Variants in ARID2 observed in about 807,000 individuals in gnomAD.
ARID2 encodes AT-rich interactive domain-containing protein 2.
Under a neutral mutation model 184.6 loss-of-function variants are expected in ARID2, and 32 were observed. The observed-to-expected ratio is 0.17, with a 90% CI of 0.13 to 0.23. ARID2 has a LOEUF of 0.23. Ranked by LOEUF, ARID2 falls within the 10% of genes least tolerant of loss-of-function variation. ARID2 has a pLI of 1.00. For synonymous variants in ARID2, 836 were observed against 772.6 expected (o/e 1.08, Z -1.36); for missense variants, 1,696 against 2,197.6 (o/e 0.77, Z 4.56).
intron 6 of ARID2, among the ~76,000 whole-genome samples, chr12:45,824,866 CAT>C (rs202172861): frequency 0.016 from 2,299 of 145,822 alleles, 30 homozygotes; most frequent in African/African-American, 0.035. Context: ...TATATATATA[CAT>C]ATATATATAT....
chr12:45,840,090 C>T (rs1428161191), intron 11 of ARID2: 1 of 152,168 alleles, frequency 6.6e-6, no homozygotes, highest in East Asian at 1.9e-4. Flanking sequence ...AGACTTCAGT[C>T]CTTGAACTCC....
chr12:45,803,392 A>G (rs556002287), intron 3 of ARID2, among the ~76,000 whole-genome samples: 7 of 152,290 alleles, frequency 4.6e-5, no homozygotes, highest in Non-Finnish European at 1.0e-4. Context: ...AAATGAAAAC[A>G]TTTGTCTTCA....
intron 3 of ARID2, among the ~76,000 whole-genome samples, chr12:45,736,891 A>G (rs1941136562): frequency 6.6e-6 from 1 of 152,232 alleles, no homozygotes; most frequent in Non-Finnish European, 1.5e-5. Context: ...TCCCTTCCCC[A>G]TAGTAAATAG....
intron 15 of ARID2, 102 bp downstream of exon 15, chr12:45,852,998 A>G (rs1288293716): frequency 7.0e-7 from 1 of 1,425,580 alleles, no homozygotes; most frequent in East Asian, 2.5e-5. Context: ...TTGAAAAGTT[A>G]CTGTATCAGC....
At chr12:45,754,387 TC>T (rs1321944574) in intron 3 of ARID2, among the ~76,000 whole-genome samples, 2 of 152,224 alleles carry the variant, frequency 1.3e-5, no homozygotes, top group East Asian at 3.8e-4. Flanking sequence ...TGTCTTTTTT[TC>T]TGTTTTAAAG....
intron 3 of ARID2, among the ~76,000 whole-genome samples, chr12:45,782,733 C>G (rs112565736): frequency 1.3e-5 from 2 of 151,856 alleles, no homozygotes; most frequent in Non-Finnish European, 2.9e-5. Context: ...TCCTTTTTGT[C>G]AACAGTGTCT....
At chr12:45,744,232 T>C (rs935770632) in intron 3 of ARID2, among the ~76,000 whole-genome samples, 4 of 152,202 alleles carry the variant, frequency 2.6e-5, no homozygotes, top group East Asian at 3.8e-4. Context: ...CTGCCTGTTA[T>C]ATGTTTTGAT....
chr12:45,900,494 C>G (rs1361518583), intron 20 of ARID2, among the ~76,000 whole-genome samples: 1 of 152,170 alleles, frequency 6.6e-6, no homozygotes, highest in African/African-American at 2.4e-5. Context: ...TGTCCACATA[C>G]TGAAACACAG....
intron 4 of ARID2, among the ~76,000 whole-genome samples, chr12:45,815,130 G>T (rs577487679): frequency 6.6e-6 from 1 of 152,208 alleles, no homozygotes; most frequent in Admixed American, 6.5e-5. Context: ...TTAGGACTGC[G>T]ACAGATAAGG....
chr12:45,808,049 G>T (rs1328350006), intron 3 of ARID2, among the ~76,000 whole-genome samples: 1 of 152,150 alleles, frequency 6.6e-6, no homozygotes, highest in South Asian at 2.1e-4. Flanking sequence ...TAGGAGCTCA[G>T]CAAATATTTG....
intron 6 of ARID2, among the ~76,000 whole-genome samples, chr12:45,826,137 T>C (rs1397595172): frequency 6.6e-6 from 1 of 152,092 alleles, no homozygotes; most frequent in Non-Finnish European, 1.5e-5. Context: ...AGATTTGTTT[T>C]TCTATCATAA....
chr12:45,788,122 G>C (rs956126918), intron 3 of ARID2, among the ~76,000 whole-genome samples: 1 of 152,052 alleles, frequency 6.6e-6, no homozygotes, highest in African/African-American at 2.4e-5. Flanking sequence ...ACATTTAAAC[G>C]TAGAACTTTA....
At chr12:45,820,447 G>A (rs1942878114) in intron 5 of ARID2, among the ~76,000 whole-genome samples, 1 of 152,054 alleles carries the variant, frequency 6.6e-6, no homozygotes. Context: ...TCTCTTATGA[G>A]AGAAAACATA....
At chr12:45,821,716 A>G (rs369241988) in intron 6 of ARID2, among the ~76,000 whole-genome samples, 58 of 152,330 alleles carry the variant, frequency 3.8e-4, no homozygotes, top group African/African-American at 1.2e-3. Flanking sequence ...AATAGTAACA[A>G]CAATAGCAGT....
intron 20 of ARID2, among the ~76,000 whole-genome samples, chr12:45,898,386 A>G (rs1394043460): frequency 1.3e-5 from 2 of 152,198 alleles, no homozygotes; most frequent in African/African-American, 2.4e-5. Context: ...GTATGAATGT[A>G]CTTAATGCCA....
Position 45,906,607 on chromosome 12 carries a change from G to A in ARID2, c.*1529G>A, listed in dbSNP as rs1944533548. 4.3e-6 allele frequency: 1 copy of A among 232,528 alleles called. No homozygotes were observed. The highest frequency in any genetic ancestry group is 5.6e-5 in the Admixed American group (1 of 17,764). 14.4% of individuals were successfully genotyped at this position (232,528 alleles called of 1,614,324 possible). ...AAATATAGAGAGAATTCTAAATTCAGCTGAAGGCAAGGTATAACGGTCACC... is the reference window on the plus strand; with the variant it reads ...AAATATAGAGAGAATTCTAAATTCAACTGAAGGCAAGGTATAACGGTCACC... On this transcript the variant is annotated 3_prime_UTR_variant, in exon 21 of 21. Coordinates refer to ENST00000334344, the MANE Select transcript of ARID2 (RefSeq NM_152641.4).
At chr12:45,856,067 CTTTTTTT>C (rs930473740) in intron 15 of ARID2, among the ~76,000 whole-genome samples, 26 of 74,616 alleles carry the variant, frequency 3.5e-4, no homozygotes, top group Non-Finnish European at 5.2e-4. Context: ...TTCTTCTTTT[CTTTTTTT>C]TTTTTTTTTT....
chr12:45,879,755 T>C (rs1419761881), intron 16 of ARID2, among the ~76,000 whole-genome samples: 1 of 152,234 alleles, frequency 6.6e-6, no homozygotes, highest in Non-Finnish European at 1.5e-5. Flanking sequence ...CATTATCTTT[T>C]ATCCTTGTTT....
chr12:45,898,631 T>C (rs1944401504), intron 20 of ARID2, among the ~76,000 whole-genome samples: 1 of 152,170 alleles, frequency 6.6e-6, no homozygotes, highest in South Asian at 2.1e-4. Context: ...AATGGGTGGA[T>C]TGGGCCAGAC....
Sources: gnomAD v4.1 joint callset for allele counts (sites outside exome capture counted in the v4.1 genomes callset) on GRCh38, gnomAD v4.1.1 for gene constraint, MANE v1.5 for transcripts, NCBI Gene and HGNC (gene_info 2026-07-23, HGNC 2026-07-21) for gene names.